Variants in PROM1 observed in about 807,000 individuals in gnomAD.
PROM1 encodes the protein prominin 1, also known as prominin-1.
PROM1 carries 105 observed loss-of-function variants against 116.9 expected under a neutral mutation model. That is an observed-to-expected ratio of 0.90 (90% confidence interval 0.77 to 1.06). PROM1 has a LOEUF of 1.06. Ranked by LOEUF, PROM1 falls within the 50% of genes least tolerant of loss-of-function variation. PROM1 has a pLI of 0.00. For missense variants in PROM1, 1,122 were observed against 1,045.2 expected (o/e 1.07, Z -1.01); for synonymous variants, 393 against 387.0 (o/e 1.02, Z -0.18).
intron 2 of PROM1, among the ~76,000 whole-genome samples, chr4:16,063,314 G>A (rs1578273322): frequency 6.6e-6 from 1 of 152,202 alleles, no homozygotes; most frequent in African/African-American, 2.4e-5. Context: ...TAGATGTAAG[G>A]AGGCTGGGCG....
At chr4:16,039,652 C>A (rs887004557) in intron 2 of PROM1, among the ~76,000 whole-genome samples, 7 of 151,196 alleles carry the variant, frequency 4.6e-5, no homozygotes, top group Non-Finnish European at 1.0e-4. Flanking sequence ...ATGGGAGGAT[C>A]ACTTGAACCC....
At chr4:16,029,346 GA>G (rs1340376067) in intron 5 of PROM1, among the ~76,000 whole-genome samples, 2 of 142,068 alleles carry the variant, frequency 1.4e-5, no homozygotes, top group Non-Finnish European at 3.1e-5. Context: ...ACATACAAAG[GA>G]AGTCAAGTCA....
intron 2 of PROM1, among the ~76,000 whole-genome samples, chr4:16,066,245 T>C (rs572464267): frequency 6.6e-6 from 1 of 152,110 alleles, no homozygotes; most frequent in South Asian, 2.1e-4. Context: ...TCTTTCTTTG[T>C]CCATGTCATC....
chr4:15,979,756 C>G (rs1717278079), intron 25 of PROM1, 125 bp downstream of exon 25: 1 of 994,388 alleles, frequency 1.0e-6, no homozygotes, highest in African/African-American at 1.6e-5. Context: ...TTATTTTTGC[C>G]TGTACAGATC....
chr4:16,018,155 T>G, intron 9 of PROM1, 168 bp downstream of exon 9: 1 of 618,340 alleles, frequency 1.6e-6, no homozygotes, highest in Non-Finnish European at 2.8e-6. Flanking sequence ...GCTCCTGCTG[T>G]GGTCATTCCA....
chr4:16,075,378 C>T (rs1469199768), intron 2 of PROM1, among the ~76,000 whole-genome samples: 1 of 152,154 alleles, frequency 6.6e-6, no homozygotes, highest in East Asian at 1.9e-4. Flanking sequence ...TAACTTTTAC[C>T]TTTGGTAAGT....
At chr4:15,999,949 G>A (rs1247684471) in intron 14 of PROM1, among the ~76,000 whole-genome samples, 7 of 152,198 alleles carry the variant, frequency 4.6e-5, no homozygotes, top group Admixed American at 3.3e-4. Flanking sequence ...CCCCGGAGTC[G>A]GTGGGAGTTG....
At position 15,986,409 on chromosome 4, in the gene PROM1, CT is replaced by C. The variant is rs369603534; in HGVS notation, c.2131-373del. Among the ~76,000 whole-genome samples, 860 of 147,298 alleles carry C rather than the reference CT, an allele frequency of 5.8e-3. 7 individuals are homozygous for C. The highest frequency in any genetic ancestry group is 0.019 in the African/African-American group (767 of 40,444). On this transcript the variant is annotated intron_variant, in intron 20 of 27. Transcript: ENST00000447510. Reference sequence around the variant, plus strand: ...CGACAATGCTGGGATTTGCACCGAACTTTTTTTTTTTTCACTACAAAACCCA... The same window carrying C: ...CGACAATGCTGGGATTTGCACCGAACTTTTTTTTTTTCACTACAAAACCCA...
intron 2 of PROM1, among the ~76,000 whole-genome samples, chr4:16,072,039 G>C (rs565579062): frequency 2.6e-5 from 4 of 152,218 alleles, no homozygotes; most frequent in Admixed American, 2.6e-4. Context: ...TCAGGCCAAG[G>C]CAAGCATTTA....
chr4:16,025,861 T>G (rs1458986628), intron 5 of PROM1, among the ~76,000 whole-genome samples: 1 of 152,246 alleles, frequency 6.6e-6, no homozygotes, highest in African/African-American at 2.4e-5. Flanking sequence ...TTGTCCAGGT[T>G]GGAAAGTAAC....
chr4:16,038,860 G>C, intron 3 of PROM1, 86 bp downstream of exon 3: 1 of 1,291,512 alleles, frequency 7.7e-7, no homozygotes, highest in Non-Finnish European at 1.0e-6. Flanking sequence ...TTGAATAACT[G>C]GTTATTTAAA....
At chr4:15,976,584 G>C (rs1377421586) in intron 26 of PROM1, among the ~76,000 whole-genome samples, 1 of 152,242 alleles carries the variant, frequency 6.6e-6, no homozygotes, top group African/African-American at 2.4e-5. Flanking sequence ...ACTCAGATCT[G>C]AAGCTGGGGA....
intron 2 of PROM1, among the ~76,000 whole-genome samples, chr4:16,058,047 A>C (rs1171536260): frequency 6.6e-6 from 1 of 152,206 alleles, no homozygotes; most frequent in African/African-American, 2.4e-5. Context: ...AAAAGACTAG[A>C]AAGAAGGTTT....
At chr4:15,993,170 A>G (rs1721486328) in intron 16 of PROM1, among the ~76,000 whole-genome samples, 1 of 152,266 alleles carries the variant, frequency 6.6e-6, no homozygotes, top group Non-Finnish European at 1.5e-5. Flanking sequence ...CCATCAAGCC[A>G]TCATGGCCTC....
rs11735976 is a variant in PROM1 at position 15,971,282 on chromosome 4, T to C, written c.2583-200A>G. 0.22 allele frequency: 123,249 copies of C among 548,172 alleles called. 15,424 individuals are homozygous for C. Among genetic ancestry groups the C allele is most frequent in the Non-Finnish European group, 0.28 (84,837 of 305,816 alleles). 34.0% of individuals were successfully genotyped at this position (548,172 alleles called of 1,614,324 possible). A position where few individuals can be genotyped will look rare whatever the true frequency, so the allele number is the denominator to read the frequency against. ...GTTTGTATTGCTTTTAAAAACAGCA[T>C]AGAAGATAAAGAGGATAAACAGACT... On this transcript the variant is annotated intron_variant, in intron 26 of 27. Coordinates refer to ENST00000447510, the MANE Select transcript of PROM1 (RefSeq NM_006017.3).
At chr4:16,053,965 G>C (rs564589357) in intron 2 of PROM1, among the ~76,000 whole-genome samples, 1 of 152,276 alleles carries the variant, frequency 6.6e-6, no homozygotes, top group Admixed American at 6.5e-5. Flanking sequence ...GTGGTGGTGA[G>C]CACTTGTCAT....
intron 1 of PROM1, chr4:16,078,174 CAG>C (rs1218870328): frequency 6.6e-6 from 1 of 152,286 alleles, no homozygotes; most frequent in Non-Finnish European, 1.5e-5. Context: ...GGGAATGGGA[CAG>C]AAAGTGCCTC....
At chr4:16,050,688 C>G (rs1737661676) in intron 2 of PROM1, among the ~76,000 whole-genome samples, 1 of 152,154 alleles carries the variant, frequency 6.6e-6, no homozygotes, top group Non-Finnish European at 1.5e-5. Flanking sequence ...GATGTCTTAT[C>G]CTTCTTAGTG....
rs16892812 is a variant in PROM1 at position 16,019,968 on chromosome 4, C to G, written c.785-1428G>C. ...GGTTGCATCCCAGTTCTGCTTCTAC[C>G]CTGCTACAGCACATCTGGCAAACTC... On this transcript the variant is annotated intron_variant, in intron 8 of 27. Coordinates refer to ENST00000447510, the MANE Select transcript of PROM1 (RefSeq NM_006017.3). Among the ~76,000 whole-genome samples the G allele has an allele frequency of 9.4e-3, 1,424 of 152,236 alleles. 18 individuals are homozygous for G. The highest frequency in any genetic ancestry group is 0.032 in the African/African-American group (1,333 of 41,524).
Sources: allele counts gnomAD v4.1 joint callset (sites outside exome capture counted in the v4.1 genomes callset), GRCh38; gene constraint gnomAD v4.1.1; transcripts MANE v1.5; gene names NCBI Gene and HGNC (gene_info 2026-07-23, HGNC 2026-07-21).